Variants in SLC10A7 observed in about 807,000 individuals in gnomAD.
SLC10A7 encodes the protein solute carrier family 10 member 7, also known as sodium/bile acid cotransporter 7.
Under a neutral mutation model 43.2 loss-of-function variants are expected in SLC10A7, and 29 were observed. That is an observed-to-expected ratio of 0.67 (90% CI 0.50 to 0.92). The LOEUF is 0.92. Ranked by LOEUF, SLC10A7 falls within the 40% of genes least tolerant of loss-of-function variation. SLC10A7 has a pLI of 0.00. For synonymous variants in SLC10A7, 152 were observed against 144.8 expected (o/e 1.05, Z -0.35); for missense variants, 295 against 403.2 (o/e 0.73, Z 2.30).
intron 10 of SLC10A7, among the ~76,000 whole-genome samples, chr4:146,266,498 G>A (rs1728566422): frequency 6.6e-6 from 1 of 151,928 alleles, no homozygotes; most frequent in African/African-American, 2.4e-5. Context: ...AATAGTCACA[G>A]AAAGTCAAAC....
chr4:146,316,625 G>A (rs983395066), intron 6 of SLC10A7, among the ~76,000 whole-genome samples: 1 of 152,024 alleles, frequency 6.6e-6, no homozygotes, highest in Non-Finnish European at 1.5e-5. Flanking sequence ...TTTTTTTACA[G>A]TAGCCTGGAT....
intron 4 of SLC10A7, among the ~76,000 whole-genome samples, chr4:146,487,721 G>C (rs1033738181): frequency 6.6e-6 from 1 of 152,152 alleles, no homozygotes; most frequent in Non-Finnish European, 1.5e-5. Context: ...GCAGTCCTAT[G>C]TACTTCATAC....
chr4:146,307,590 T>A (rs1420537618), intron 6 of SLC10A7, among the ~76,000 whole-genome samples: 2 of 151,932 alleles, frequency 1.3e-5, no homozygotes, highest in East Asian at 3.9e-4. Flanking sequence ...AAGAAAAAAA[T>A]ATATTTTACT....
At position 146,343,024 on chromosome 4, in the gene SLC10A7, T is replaced by C. The variant is rs779461661; in HGVS notation, c.436-17028A>G. 6.1e-4 allele frequency among the ~76,000 whole-genome samples: 92 copies of C among 152,056 alleles called. 1 individual carries two copies. The highest frequency in any genetic ancestry group is 3.4e-3 in the Middle Eastern group (1 of 294). ...TACCCTAACTCCTGTGTTAAGCTAT[T>C]AAAAAATCTTTATATAATAAATGTC... is the stretch of plus-strand genomic sequence containing the variant. On this transcript the variant is annotated intron_variant, in intron 5 of 11. Coordinates refer to ENST00000335472, the MANE Select transcript of SLC10A7 (RefSeq NM_001029998.6).
At chr4:146,398,800 G>C (rs1739014619) in intron 5 of SLC10A7, among the ~76,000 whole-genome samples, 1 of 152,226 alleles carries the variant, frequency 6.6e-6, no homozygotes, top group Admixed American at 6.5e-5. Flanking sequence ...TCACAGACCA[G>C]TGACTGGTAA....
intron 4 of SLC10A7, among the ~76,000 whole-genome samples, chr4:146,454,999 A>G (rs1413817894): frequency 6.6e-6 from 1 of 151,878 alleles, no homozygotes; most frequent in African/African-American, 2.4e-5. Flanking sequence ...ATTTGATATT[A>G]TATCTTTTAA....
At chr4:146,513,702 A>G (rs1341246682) in intron 2 of SLC10A7, among the ~76,000 whole-genome samples, 1 of 152,224 alleles carries the variant, frequency 6.6e-6, no homozygotes, top group Non-Finnish European at 1.5e-5. Context: ...AAAGAGTTTC[A>G]AGACTTTCAC....
chr4:146,520,349 C>G (rs1738509451), intron 1 of SLC10A7, among the ~76,000 whole-genome samples: 1 of 152,198 alleles, frequency 6.6e-6, no homozygotes, highest in Non-Finnish European at 1.5e-5. Context: ...AAAGAAGAAA[C>G]TATTACCATC....
intron 5 of SLC10A7, among the ~76,000 whole-genome samples, chr4:146,378,039 T>C (rs757561059): frequency 1.3e-5 from 2 of 152,310 alleles, no homozygotes; most frequent in South Asian, 4.1e-4. Flanking sequence ...GCTGTCTCTA[T>C]TCTTAGAGCA....
At chr4:146,375,942 A>T (rs1560848346) in intron 5 of SLC10A7, among the ~76,000 whole-genome samples, 1 of 152,206 alleles carries the variant, frequency 6.6e-6, no homozygotes, top group South Asian at 2.1e-4. Context: ...ATGACAGACC[A>T]GTGATAAGTT....
chr4:146,377,526 C>T (rs1737290797), intron 5 of SLC10A7, among the ~76,000 whole-genome samples: 1 of 152,198 alleles, frequency 6.6e-6, no homozygotes, highest in Non-Finnish European at 1.5e-5. Flanking sequence ...GCAAGCCACA[C>T]TCCTGTCTCA....
At chr4:146,329,254 A>T (rs1024148377) in intron 5 of SLC10A7, among the ~76,000 whole-genome samples, 1 of 152,230 alleles carries the variant, frequency 6.6e-6, no homozygotes, top group Admixed American at 6.5e-5. Flanking sequence ...GAATCACTGT[A>T]TAATGCTGAA....
intron 1 of SLC10A7, among the ~76,000 whole-genome samples, chr4:146,519,325 A>AGTTGTC (rs1738397582): frequency 6.9e-6 from 1 of 145,242 alleles, no homozygotes; most frequent in African/African-American, 2.5e-5. Flanking sequence ...TACATTATTT[A>AGTTGTC]ACATAATATA....
chr4:146,396,242 G>T (rs1452907224), intron 5 of SLC10A7, among the ~76,000 whole-genome samples: 1 of 152,038 alleles, frequency 6.6e-6, no homozygotes, highest in Non-Finnish European at 1.5e-5. Flanking sequence ...TTAAATAAAG[G>T]AATAACTAAT....
At chr4:146,507,491 G>T (rs1276135651) in intron 3 of SLC10A7, among the ~76,000 whole-genome samples, 1 of 152,120 alleles carries the variant, frequency 6.6e-6, no homozygotes, top group Admixed American at 6.5e-5. Flanking sequence ...AACCCGGGAG[G>T]CAGAGGTTGC....
intron 6 of SLC10A7, among the ~76,000 whole-genome samples, chr4:146,324,285 G>A (rs574043590): frequency 3.9e-5 from 6 of 152,206 alleles, no homozygotes; most frequent in South Asian, 2.1e-4. Context: ...TCCCCATCAA[G>A]CTACCAATGA....
chr4:146,481,910 T>C (rs1302685521), intron 4 of SLC10A7, among the ~76,000 whole-genome samples: 1 of 152,142 alleles, frequency 6.6e-6, no homozygotes, highest in Non-Finnish European at 1.5e-5. Context: ...AGACTCCAAA[T>C]TGTATGAAAA....
chr4:146,388,600 T>C (rs1037076625), intron 5 of SLC10A7, among the ~76,000 whole-genome samples: 5 of 151,204 alleles, frequency 3.3e-5, no homozygotes, highest in African/African-American at 9.7e-5. Flanking sequence ...CTAGTAAAAA[T>C]ACAAAAAAAT....
intron 4 of SLC10A7, among the ~76,000 whole-genome samples, chr4:146,468,741 C>T (rs1174131016): frequency 6.6e-6 from 1 of 152,024 alleles, no homozygotes; most frequent in Non-Finnish European, 1.5e-5. Flanking sequence ...GGATTACAGG[C>T]GTGAGCCACC....
Sources: allele counts gnomAD v4.1 joint callset (sites outside exome capture counted in the v4.1 genomes callset), GRCh38; gene constraint gnomAD v4.1.1; transcripts MANE v1.5; gene names NCBI Gene and HGNC (gene_info 2026-07-23, HGNC 2026-07-21).